Variants in TBL1X observed in about 807,000 individuals in gnomAD.
The protein encoded by TBL1X is transducin beta like 1 X-linked, also known as F-box-like/WD repeat-containing protein TBL1X.
TBL1X carries 10 observed loss-of-function variants against 50.7 expected under a neutral mutation model. The observed-to-expected ratio is 0.20, with a 90% CI of 0.12 to 0.33. The LOEUF (loss-of-function observed/expected upper bound fraction) is 0.33, where lower values mean the gene tolerates loss of function less well. Among genes scored for constraint, TBL1X ranks in the 10% least tolerant of loss-of-function variants. The pLI, the probability that TBL1X is intolerant of heterozygous loss-of-function variation, is 1.00. For missense variants in TBL1X, 340 were observed against 504.4 expected (o/e 0.67, Z 3.12); for synonymous variants, 190 against 214.7 (o/e 0.88, Z 1.01).
intron 2 of TBL1X, among the ~76,000 whole-genome samples, chrX:9,611,807 G>A (rs1398414438): frequency 2.7e-5 from 3 of 111,917 alleles, no homozygotes; most frequent in Non-Finnish European, 5.6e-5. Flanking sequence ...GGGAGGGGGT[G>A]GCACAGGTGT....
At chrX:9,545,148 A>C (rs1001310557) in intron 2 of TBL1X, among the ~76,000 whole-genome samples, 1 of 108,759 alleles carries the variant, frequency 9.2e-6, no homozygotes. Context: ...CTGGGATTAC[A>C]GGTACCCGCC....
At chrX:9,509,659 T>C (rs1230877279) in intron 2 of TBL1X, among the ~76,000 whole-genome samples, 1 of 108,250 alleles carries the variant, frequency 9.2e-6, no homozygotes, top group Non-Finnish European at 1.9e-5. Flanking sequence ...CTAATTTTTG[T>C]ATTTTTTGTA....
chrX:9,615,117 C>T (rs1455167085), intron 2 of TBL1X, among the ~76,000 whole-genome samples: 1 of 111,581 alleles, frequency 9.0e-6, no homozygotes, highest in Non-Finnish European at 1.9e-5. Flanking sequence ...GGACATCACT[C>T]GCAGCTATAG....
At position 9,538,886 on chromosome X, in the gene TBL1X, C is replaced by T. The variant is rs147320383; in HGVS notation, c.-131+37037C>T. On this transcript the variant is annotated intron_variant, in intron 2 of 17. Transcript: ENST00000645353. The stretch of plus-strand genomic sequence containing the variant: ...CGTGTGCACCTGCTGGGGAGAAGCC[C>T]GCTGGGGCCCCTCCTCTCAGCACAA... Among the ~76,000 whole-genome samples, 40 of 112,758 alleles carry T rather than the reference C, an allele frequency of 3.5e-4. No individual in the cohort carries two copies. The East Asian group carries it at 0.011, about 31-fold the overall frequency.
At chrX:9,510,326 G>A (rs1341930511) in intron 2 of TBL1X, among the ~76,000 whole-genome samples, 19 of 112,342 alleles carry the variant, frequency 1.7e-4, no homozygotes, top group African/African-American at 5.5e-4. Context: ...TTGGATTGCA[G>A]TTAGTGCAGA....
chrX:9,522,009 G>A (rs1056836830), intron 2 of TBL1X, among the ~76,000 whole-genome samples: 20 of 100,164 alleles, frequency 2.0e-4, no homozygotes, highest in African/African-American at 6.3e-4. Flanking sequence ...GTCTTTCTTC[G>A]TTTCTTTTTT....
chrX:9,629,671 A>AC (rs200314950), intron 2 of TBL1X, among the ~76,000 whole-genome samples: 4,534 of 111,685 alleles, frequency 0.041, 107 homozygotes, highest in African/African-American at 0.083. Context: ...GAAGCAAAAC[A>AC]CCATCGTTTT....
At chrX:9,551,087 C>A (rs924630485) in intron 2 of TBL1X, among the ~76,000 whole-genome samples, 1 of 111,313 alleles carries the variant, frequency 9.0e-6, no homozygotes, top group Non-Finnish European at 1.9e-5. Context: ...TGTATAGACA[C>A]GTACATATAT....
At chrX:9,543,694 C>A (rs1408261421) in intron 2 of TBL1X, among the ~76,000 whole-genome samples, 1 of 112,116 alleles carries the variant, frequency 8.9e-6, no homozygotes, top group African/African-American at 3.2e-5. Context: ...TTTTAAATTG[C>A]CTGTTTAATT....
intron 2 of TBL1X, among the ~76,000 whole-genome samples, chrX:9,525,630 T>G (rs1411688767): frequency 8.9e-6 from 1 of 112,189 alleles, no homozygotes; most frequent in African/African-American, 3.2e-5. Flanking sequence ...CTCCTGAGTG[T>G]TGTTTTGCCT....
At chrX:9,526,967 G>C (rs2082135726) in intron 2 of TBL1X, among the ~76,000 whole-genome samples, 1 of 111,761 alleles carries the variant, frequency 8.9e-6, no homozygotes, top group South Asian at 3.8e-4. Flanking sequence ...GCCCTCCCCT[G>C]TGCATTTAGA....
At chrX:9,646,353 G>T (rs1196729883) in intron 3 of TBL1X, among the ~76,000 whole-genome samples, 5 of 112,527 alleles carry the variant, frequency 4.4e-5, no homozygotes, top group African/African-American at 1.6e-4. Context: ...CAAATAAGCT[G>T]CTCCCCAGGC....
rs200001822 is a variant in TBL1X at position 9,691,450 on chromosome X, A to AG, written c.617-129_617-128insG. 5,758 of 648,882 alleles carry AG rather than the reference A, an allele frequency of 8.9e-3. 10 individuals carry two copies. Among genetic ancestry groups the AG allele is most frequent in the Non-Finnish European group, 0.011 (4,907 of 464,099 alleles). The allele number at this position is 648,882 out of a possible 1,213,427, so 53.5% of individuals were successfully genotyped here. A position where few individuals can be genotyped will look rare whatever the true frequency, so the allele number is the denominator to read the frequency against. The stretch of plus-strand genomic sequence containing the variant: ...GATTCCGTCTCAAAAAAAAAAAAAA[A>AG]AAAAGAAAAGGAATCATCAGAGGTA... On this transcript the variant is annotated intron_variant, in intron 7 of 17. Coordinates refer to ENST00000645353, the MANE Select transcript of TBL1X (RefSeq NM_005647.4).
intron 2 of TBL1X, among the ~76,000 whole-genome samples, chrX:9,610,497 T>C (rs2082608108): frequency 8.9e-6 from 1 of 112,414 alleles, no homozygotes; most frequent in African/African-American, 3.2e-5. Context: ...GAGTATCTAT[T>C]ATGTGGCAAG....
At chrX:9,670,678 C>G (rs1485144714) in intron 5 of TBL1X, among the ~76,000 whole-genome samples, 3 of 112,530 alleles carry the variant, frequency 2.7e-5, no homozygotes, top group Non-Finnish European at 5.6e-5. Context: ...CACTGTGTTT[C>G]CTAGGGCCAT....
chrX:9,466,519 A>G (rs2081775806), intron 1 of TBL1X, among the ~76,000 whole-genome samples: 1 of 112,466 alleles, frequency 8.9e-6, no homozygotes. Context: ...AAAAGAAACA[A>G]AAACCTACCC....
intron 3 of TBL1X, among the ~76,000 whole-genome samples, chrX:9,652,281 C>T (rs2082839746): frequency 2.7e-5 from 3 of 111,871 alleles, no homozygotes; most frequent in Admixed American, 9.5e-5. Flanking sequence ...ATCTCCTTGA[C>T]GCATTCTGGA....
At chrX:9,552,124 C>T (rs1258750182) in intron 2 of TBL1X, among the ~76,000 whole-genome samples, 1 of 112,033 alleles carries the variant, frequency 8.9e-6, no homozygotes, top group Non-Finnish European at 1.9e-5. Context: ...CTATAAGTCT[C>T]GTGGTTTGTT....
chrX:9,570,343 C>T (rs1365070016), intron 2 of TBL1X, among the ~76,000 whole-genome samples: 3 of 112,007 alleles, frequency 2.7e-5, no homozygotes, highest in Admixed American at 9.5e-5. Flanking sequence ...ATCCACTTCC[C>T]GTGCTCTCAA....
Sources: gnomAD v4.1 joint callset for allele counts (sites outside exome capture counted in the v4.1 genomes callset) on GRCh38, gnomAD v4.1.1 for gene constraint, MANE v1.5 for transcripts, NCBI Gene and HGNC (gene_info 2026-07-23, HGNC 2026-07-21) for gene names.